The following WDFY2 variants were observed in gnomAD, a reference collection of about 807,000 sequenced individuals.
The protein encoded by WDFY2 is WD repeat and FYVE domain containing 2, also known as WD repeat and FYVE domain-containing protein 2.
In WDFY2, 36 loss-of-function variants were observed where a neutral mutation model predicts 56.4. The ratio of observed to expected loss-of-function variants is 0.64; its 90% CI spans 0.49 to 0.84. The LOEUF (loss-of-function observed/expected upper bound fraction) is 0.84, where lower values mean the gene tolerates loss of function less well. WDFY2 is among the 40% of genes least tolerant of loss of function. The pLI, the probability that WDFY2 is intolerant of heterozygous loss-of-function variation, is 0.00. For missense variants in WDFY2, 444 were observed against 512.2 expected (o/e 0.87, Z 1.29); for synonymous variants, 176 against 183.7 (o/e 0.96, Z 0.34).
intron 2 of WDFY2, among the ~76,000 whole-genome samples, chr13:51,666,158 T>C (rs750670601): frequency 2.6e-5 from 4 of 152,234 alleles, no homozygotes; most frequent in Non-Finnish European, 5.9e-5. Context: ...AGAGAAAGGC[T>C]ATTTGTGGTG....
chr13:51,625,336 T>TA (rs892718544), intron 1 of WDFY2, among the ~76,000 whole-genome samples: 36 of 152,326 alleles, frequency 2.4e-4, no homozygotes, highest in African/African-American at 1.2e-4. Context: ...CCTCCTCACT[T>TA]AAGAGTGCAT....
intron 1 of WDFY2, among the ~76,000 whole-genome samples, chr13:51,649,423 CTTT>C (rs869208487): frequency 2.6e-4 from 36 of 139,818 alleles, no homozygotes; most frequent in Non-Finnish European, 5.0e-4. Flanking sequence ...AGCGGTCAGA[CTTT>C]TTTTTTTTTT....
rs527573130 is a variant in WDFY2 at position 51,700,828 on chromosome 13, G to A, written c.280-2768G>A. Among the ~76,000 whole-genome samples the A allele has an allele frequency of 3.5e-4, 54 of 152,228 alleles. No individual in the cohort carries two copies. The Middle Eastern group carries it at 0.01, about 29-fold the overall frequency. ...TAAAAATACAATAAATTAGCCAGGC[G>A]TGGTGGCGCATGCCTGTAATCCCAA... On this transcript the variant is annotated intron_variant, in intron 3 of 11. Coordinates refer to ENST00000298125, the MANE Select transcript of WDFY2 (RefSeq NM_052950.4).
At chr13:51,719,149 A>G (rs1437671569) in intron 4 of WDFY2, 49 bp from the exon 5 acceptor site, 5 of 1,612,692 alleles carry the variant, frequency 3.1e-6, no homozygotes, top group African/African-American at 2.7e-5. Flanking sequence ...TGTTCTTCCA[A>G]CCTCCTTAGG....
chr13:51,687,479 C>T (rs1447663714), intron 3 of WDFY2, among the ~76,000 whole-genome samples: 1 of 151,914 alleles, frequency 6.6e-6, no homozygotes, highest in Non-Finnish European at 1.5e-5. Context: ...ATCATCTGAG[C>T]AGAAGCCTTG....
chr13:51,719,827 T>C (rs2138630079), intron 5 of WDFY2, among the ~76,000 whole-genome samples: 1 of 152,326 alleles, frequency 6.6e-6, no homozygotes, highest in African/African-American at 2.4e-5. Context: ...CCAGAGTGGG[T>C]GAGCTGGTAT....
intron 3 of WDFY2, among the ~76,000 whole-genome samples, chr13:51,685,745 G>C (rs548686078): frequency 6.6e-6 from 1 of 152,216 alleles, no homozygotes; most frequent in East Asian, 1.9e-4. Context: ...CATGGTTCAA[G>C]GGTCAATGTA....
chr13:51,653,537 C>G (rs769485725), intron 1 of WDFY2, among the ~76,000 whole-genome samples: 40 of 152,286 alleles, frequency 2.6e-4, no homozygotes, highest in Admixed American at 4.6e-4. Flanking sequence ...GTGGTTTTGT[C>G]TACCTTTGTT....
At chr13:51,717,571 G>A (rs1450583720) in intron 4 of WDFY2, among the ~76,000 whole-genome samples, 1 of 151,942 alleles carries the variant, frequency 6.6e-6, no homozygotes. Flanking sequence ...AGAGGGGTGA[G>A]GTGTTAGGGG....
chr13:51,585,991 A>G (rs1275914497), intron 1 of WDFY2: 1 of 398,436 alleles, frequency 2.5e-6, no homozygotes, highest in African/African-American at 2.1e-5. Context: ...CATCATGCTC[A>G]ATACAAATGG....
At chr13:51,711,466 G>A (rs1183117347) in intron 4 of WDFY2, among the ~76,000 whole-genome samples, 2 of 152,176 alleles carry the variant, frequency 1.3e-5, no homozygotes, top group African/African-American at 4.8e-5. Context: ...AAGAGCTTCT[G>A]CACAGCAAAA....
chr13:51,636,718 CAT>C (rs2138392853), intron 1 of WDFY2, among the ~76,000 whole-genome samples: 1 of 152,288 alleles, frequency 6.6e-6, no homozygotes, highest in East Asian at 1.9e-4. Flanking sequence ...CATCTAGATA[CAT>C]GTGAGTGAGA....
At chr13:51,756,248 CCT>C in intron 9 of WDFY2, 82 bp from the exon 10 acceptor site, 2 of 1,532,658 alleles carry the variant, frequency 1.3e-6, no homozygotes, top group Non-Finnish European at 1.8e-6. Context: ...GTTGATTACA[CCT>C]CTCTGCCAGG....
At chr13:51,633,140 T>C (rs1264070927) in intron 1 of WDFY2, among the ~76,000 whole-genome samples, 2 of 152,210 alleles carry the variant, frequency 1.3e-5, no homozygotes, top group Non-Finnish European at 2.9e-5. Context: ...GTAGTTTCCC[T>C]TCCCCCTGAA....
chr13:51,747,548 T>C (rs780966065), intron 7 of WDFY2, among the ~76,000 whole-genome samples: 1 of 152,250 alleles, frequency 6.6e-6, no homozygotes, highest in African/African-American at 2.4e-5. Flanking sequence ...TGTTTGCTTT[T>C]TCAGACAAGG....
At chr13:51,665,352 C>T (rs1302132723) in intron 2 of WDFY2, among the ~76,000 whole-genome samples, 1 of 152,164 alleles carries the variant, frequency 6.6e-6, no homozygotes. Context: ...AGCTTGTAAA[C>T]CAGGCCCTCA....
rs570473257 is a variant in WDFY2, at chr13:51,690,310, G to A, written c.280-13286G>A. On this transcript the variant is annotated intron_variant, in intron 3 of 11. Coordinates refer to ENST00000298125, the MANE Select transcript of WDFY2 (RefSeq NM_052950.4). Reference sequence around the variant, plus strand: ...GCTGCATCCACTAACTCGTCATCTAGCATTGGGTATATCTCCCAGTGCTAT... The same window carrying A: ...GCTGCATCCACTAACTCGTCATCTAACATTGGGTATATCTCCCAGTGCTAT... Among the ~76,000 whole-genome samples, 164 of 150,366 alleles carry A rather than the reference G, an allele frequency of 1.1e-3. 1 individual carries two copies. The highest frequency in any genetic ancestry group is 3.7e-3 in the African/African-American group (150 of 41,024).
rs1042838951 is a variant in WDFY2, at chr13:51,765,382, G to GTC, written c.*5615_*5616dup. 2.8e-4 allele frequency: 42 copies of GTC among 152,112 alleles called. No homozygotes were observed. Among genetic ancestry groups the GTC allele is most frequent in the African/African-American group, 9.7e-4 (40 of 41,414 alleles). The allele number at this position is 152,112 out of a possible 1,614,324, so 9.4% of individuals were successfully genotyped here. ...CTTAGGTTTAACACATGAAAGCAGT[G>GTC]TCTAAAAATTAGATCGGTCCTAAAT... On this transcript the variant is annotated 3_prime_UTR_variant, in exon 12 of 12. Coordinates refer to ENST00000298125, the MANE Select transcript of WDFY2 (RefSeq NM_052950.4).
At chr13:51,747,278 T>C (rs1306152180) in intron 7 of WDFY2, among the ~76,000 whole-genome samples, 1 of 152,262 alleles carries the variant, frequency 6.6e-6, no homozygotes, top group Non-Finnish European at 1.5e-5. Flanking sequence ...TGGGATATGC[T>C]ATATAACTCT....
Sources: gnomAD v4.1 joint callset for allele counts (sites outside exome capture counted in the v4.1 genomes callset) on GRCh38, gnomAD v4.1.1 for gene constraint, MANE v1.5 for transcripts, NCBI Gene and HGNC (gene_info 2026-07-23, HGNC 2026-07-21) for gene names.